Variants in NDST4 observed in about 807,000 individuals in gnomAD.
The protein encoded by NDST4 is N-deacetylase and N-sulfotransferase 4.
Under a neutral mutation model 100.8 loss-of-function variants are expected in NDST4, and 63 were observed. That is an observed-to-expected ratio of 0.62 (90% CI 0.51 to 0.77). NDST4 has a LOEUF of 0.77. Ranked by LOEUF, NDST4 falls within the 30% of genes least tolerant of loss-of-function variation. The pLI, the probability that NDST4 is intolerant of heterozygous loss-of-function variation, is 0.00. For synonymous variants in NDST4, 377 were observed against 361.8 expected, an observed-to-expected ratio of 1.04 and a Z score of -0.48; for missense variants, 943 against 1,018.4, an observed-to-expected ratio of 0.93 and a Z score of 1.01.
At chr4:114,867,664 GCAA>G (rs1724060773) in intron 7 of NDST4, among the ~76,000 whole-genome samples, 1 of 26,084 alleles carries the variant, frequency 3.8e-5, no homozygotes, top group Non-Finnish European at 9.7e-5. Context: ...AAAAAAAAAA[GCAA>G]AAAAAAAAAA....
chr4:114,924,717 T>A (rs939056838), intron 6 of NDST4, among the ~76,000 whole-genome samples: 14 of 152,062 alleles, frequency 9.2e-5, no homozygotes, highest in Admixed American at 2.6e-4. Flanking sequence ...TGAAGAGACG[T>A]TGATTAATGG....
rs1380671232 is a variant in NDST4 at position 114,848,307 on chromosome 4, C to A, written c.1848G>T (p.Met616Ile). The change falls in exon 9 of 14, where the codon ATG (methionine) becomes ATT (isoleucine). Residue 616 changes from methionine to isoleucine, a missense_variant. Met to Ile is a conservative substitution (Grantham distance 10). Around this residue, in one of 2 missense-constraint regions of NDST4, gnomAD observed 526 missense variants for 634.1 expected, o/e 0.83. Transcript: ENST00000264363. ...GGAGATTGCTGATGATTGAAGGATG[C>A]ATAAGAAGAAATAAATAAAGTGCAG... ...GTTALYLFLL[M>I]HPSIISNLPS... 1 of 1,601,618 alleles carries A rather than the reference C, an allele frequency of 6.2e-7. No homozygotes were observed. The highest frequency in any genetic ancestry group is 1.1e-5 in the South Asian group (1 of 88,822).
At chr4:114,942,073 T>A (rs1725762898) in intron 4 of NDST4, among the ~76,000 whole-genome samples, 1 of 152,336 alleles carries the variant, frequency 6.6e-6, no homozygotes, top group African/African-American at 2.4e-5. Context: ...CTGGATACTA[T>A]CATGTAATGT....
chr4:115,022,436 T>TATATGTGTTCC (rs1727871408), intron 2 of NDST4, among the ~76,000 whole-genome samples: 3 of 86,166 alleles, frequency 3.5e-5, no homozygotes, highest in Non-Finnish European at 8.4e-5. Flanking sequence ...ATGTGTTCCA[T>TATATGTGTTCC]ATATATGTGT....
At chr4:114,918,620 T>C (rs752218976) in intron 6 of NDST4, among the ~76,000 whole-genome samples, 41 of 151,976 alleles carry the variant, frequency 2.7e-4, no homozygotes, top group Non-Finnish European at 5.7e-4. Context: ...CCTGTTGTCA[T>C]TGCCAAGATA....
intron 2 of NDST4, among the ~76,000 whole-genome samples, chr4:114,994,216 C>A (rs949011391): frequency 1.3e-5 from 2 of 151,908 alleles, no homozygotes; most frequent in African/African-American, 4.8e-5. Flanking sequence ...TTCTGCTGAA[C>A]AAACAAAACA....
intron 7 of NDST4, among the ~76,000 whole-genome samples, chr4:114,861,715 T>G (rs1330450971): frequency 6.6e-6 from 1 of 152,038 alleles, no homozygotes; most frequent in East Asian, 1.9e-4. Context: ...CCCTACTAGA[T>G]TACCTGAAGA....
intron 7 of NDST4, among the ~76,000 whole-genome samples, chr4:114,863,649 GA>G (rs1055846973): frequency 6.6e-6 from 1 of 152,140 alleles, no homozygotes; most frequent in African/African-American, 2.4e-5. Flanking sequence ...TTTAAACTTT[GA>G]AAAAGGAATT....
In NDST4 at chr4:115,076,829, G is replaced by C. The variant is rs1010938022; in HGVS notation, c.208C>G (p.Pro70Ala). 1.2e-6 allele frequency: 2 copies of C among 1,613,870 alleles called. No individual in the cohort carries two copies. The highest frequency in any genetic ancestry group is 1.3e-5 in the African/African-American group (1 of 75,032). ...GGGTCCGTTTTGGATGTGTCAATAG[G>C]TTTAACTGTTTTCAGCTCCATTGAC... ...YRSMELKTVKPIDTSKTDPTV... is the reference protein window; with the variant it reads ...YRSMELKTVKAIDTSKTDPTV... Residue 70 changes from proline (P) to alanine (A), a missense_variant, in exon 2 of 14, where the codon CCT (proline) becomes GCT (alanine). Pro to Ala is a conservative substitution (Grantham distance 27). This residue lies in a region of NDST4 where 417 missense variants were observed against 384.2 expected (regional missense o/e 1.09). Coordinates refer to ENST00000264363, the MANE Select transcript of NDST4 (RefSeq NM_022569.3).
chr4:114,919,186 C>A (rs899517627), intron 6 of NDST4, among the ~76,000 whole-genome samples: 1 of 152,174 alleles, frequency 6.6e-6, no homozygotes, highest in African/African-American at 2.4e-5. Context: ...TCTATGCCAT[C>A]GGTCTCTTCC....
intron 4 of NDST4, among the ~76,000 whole-genome samples, chr4:114,952,979 G>T (rs187492554): frequency 6.6e-6 from 1 of 150,822 alleles, no homozygotes; most frequent in East Asian, 1.9e-4. Context: ...ACCAAAAAAG[G>T]CTTTAAGAAA....
intron 7 of NDST4, among the ~76,000 whole-genome samples, chr4:114,867,664 G>A (rs74419137): frequency 0.023 from 587 of 25,756 alleles, no homozygotes; most frequent in Middle Eastern, 0.042. Flanking sequence ...AAAAAAAAAA[G>A]CAAAAAAAAA....
intron 6 of NDST4, among the ~76,000 whole-genome samples, chr4:114,896,362 G>A (rs1300354296): frequency 1.3e-5 from 2 of 152,040 alleles, no homozygotes; most frequent in African/African-American, 2.4e-5. Flanking sequence ...GGTGGCTCAC[G>A]CCTGTAATCC....
At chr4:114,908,406 T>C (rs1016094080) in intron 6 of NDST4, among the ~76,000 whole-genome samples, 2 of 152,200 alleles carry the variant, frequency 1.3e-5, no homozygotes, top group African/African-American at 4.8e-5. Context: ...TATATACTTT[T>C]AAACATTTTA....
intron 2 of NDST4, among the ~76,000 whole-genome samples, chr4:115,045,310 C>T (rs1246152180): frequency 6.6e-6 from 1 of 152,152 alleles, no homozygotes. Context: ...CAAAATCAAG[C>T]TGCCTATGTT....
At chr4:114,945,154 G>C (rs1287673721) in intron 4 of NDST4, among the ~76,000 whole-genome samples, 4 of 137,792 alleles carry the variant, frequency 2.9e-5, no homozygotes, top group Non-Finnish European at 6.1e-5. Context: ...GTTGTGGTGA[G>C]CCGAGATCAT....
At chr4:115,108,675 G>A (rs1247995769) in intron 1 of NDST4, among the ~76,000 whole-genome samples, 1 of 151,850 alleles carries the variant, frequency 6.6e-6, no homozygotes, top group Non-Finnish European at 1.5e-5. Flanking sequence ...AAATAATTTA[G>A]TAAATTAAAT....
At chr4:115,082,492 G>A (rs1729323836) in intron 1 of NDST4, among the ~76,000 whole-genome samples, 1 of 152,136 alleles carries the variant, frequency 6.6e-6, no homozygotes, top group South Asian at 2.1e-4. Flanking sequence ...AAATCACATT[G>A]CATATACGTG....
chr4:114,966,314 C>A (rs1369404095), intron 4 of NDST4, among the ~76,000 whole-genome samples: 3 of 151,854 alleles, frequency 2.0e-5, no homozygotes, highest in Non-Finnish European at 1.5e-5. Context: ...ATGGATGAAG[C>A]AATAACAATA....
Sources: gnomAD v4.1 joint callset for allele counts (sites outside exome capture counted in the v4.1 genomes callset) on GRCh38, gnomAD v4.1.1 for gene constraint, gnomAD v4.1.1 regional missense constraint, MANE v1.5 for transcripts, NCBI Gene and HGNC (gene_info 2026-07-23, HGNC 2026-07-21) for gene names.